Variants in PPP1R9A observed in about 807,000 individuals in gnomAD.
The protein encoded by PPP1R9A is neurabin-1.
In PPP1R9A, 59 loss-of-function variants were observed where a neutral mutation model predicts 141.9. The ratio of observed to expected loss-of-function variants is 0.42; its 90% CI spans 0.34 to 0.52. The LOEUF is 0.52. Among genes scored for constraint, PPP1R9A ranks in the 20% least tolerant of loss-of-function variants. The probability of loss-of-function intolerance (pLI) is 0.10; values close to 1 mark genes in which losing one functional copy is unlikely to be tolerated. For synonymous variants in PPP1R9A, 500 were observed against 569.7 expected (o/e 0.88, Z 1.74); for missense variants, 1,444 against 1,611.9 (o/e 0.90, Z 1.78).
chr7:95,031,309 T>A (rs1310834990), intron 2 of PPP1R9A, among the ~76,000 whole-genome samples: 1 of 152,200 alleles, frequency 6.6e-6, no homozygotes, highest in Non-Finnish European at 1.5e-5. Context: ...TAGGAAGGTA[T>A]ACAGAAAGCG....
chr7:95,150,436 G>GGGATTATA (rs200587897), intron 4 of PPP1R9A, among the ~76,000 whole-genome samples: 1,936 of 152,198 alleles, frequency 0.013, 53 homozygotes, highest in African/African-American at 0.043. Context: ...CTGAGTAGCT[G>GGGATTATA]GGATTATAGG....
chr7:94,916,089 G>A (rs568963426), intron 2 of PPP1R9A, among the ~76,000 whole-genome samples: 80 of 151,894 alleles, frequency 5.3e-4, no homozygotes, highest in African/African-American at 1.8e-3. Context: ...TATTTATTAC[G>A]CATCTGCTGA....
chr7:95,096,892 C>A (rs921219701), intron 2 of PPP1R9A, among the ~76,000 whole-genome samples: 1 of 152,120 alleles, frequency 6.6e-6, no homozygotes, highest in African/African-American at 2.4e-5. Context: ...TCTTTGCTTT[C>A]GGGGTCACTT....
At chr7:94,924,090 AAG>A (rs1369105027) in intron 2 of PPP1R9A, among the ~76,000 whole-genome samples, 1 of 152,224 alleles carries the variant, frequency 6.6e-6, no homozygotes, top group Non-Finnish European at 1.5e-5. Context: ...TTTAAAGAAA[AAG>A]AGGCAACATT....
At chr7:94,991,776 C>T (rs150455203) in intron 2 of PPP1R9A, among the ~76,000 whole-genome samples, 13 of 152,188 alleles carry the variant, frequency 8.5e-5, no homozygotes, top group South Asian at 2.1e-4. Flanking sequence ...TTCAGCCTTC[C>T]GAGTAGCTGG....
At chr7:95,271,048 G>A (rs1313191793) in intron 14 of PPP1R9A, among the ~76,000 whole-genome samples, 1 of 152,094 alleles carries the variant, frequency 6.6e-6, no homozygotes, top group Admixed American at 6.6e-5. Context: ...GAAAAAAAGG[G>A]TAGGTAAGGA....
chr7:95,252,467 A>ATTTTTT (rs71127405), intron 12 of PPP1R9A, among the ~76,000 whole-genome samples: 2 of 107,028 alleles, frequency 1.9e-5, no homozygotes, highest in African/African-American at 3.6e-5. Context: ...TAAGGTTTAG[A>ATTTTTT]TTTTTTTTTT....
At chr7:95,165,072 T>C (rs1423951620) in intron 5 of PPP1R9A, among the ~76,000 whole-genome samples, 2 of 152,214 alleles carry the variant, frequency 1.3e-5, no homozygotes, top group East Asian at 1.9e-4. Flanking sequence ...CTTCAATGAA[T>C]GAGCTTTTCT....
chr7:95,288,510 A>C (rs766641298), intron 18 of PPP1R9A, 26 bp from the exon 19 acceptor site: 1 of 1,608,634 alleles, frequency 6.2e-7, no homozygotes, highest in Non-Finnish European at 8.5e-7. Context: ...GTCCTTTAAC[A>C]ACACTACGTA....
At chr7:95,221,183 GTT>G (rs1350855568) in intron 7 of PPP1R9A, among the ~76,000 whole-genome samples, 3 of 152,080 alleles carry the variant, frequency 2.0e-5, no homozygotes, top group African/African-American at 7.2e-5. Context: ...GCGGTCACTC[GTT>G]TTGAGCACCT....
chr7:95,004,599 C>T (rs1042544548), intron 2 of PPP1R9A, among the ~76,000 whole-genome samples: 12 of 152,110 alleles, frequency 7.9e-5, no homozygotes, highest in South Asian at 2.1e-4. Flanking sequence ...CTGGATACTA[C>T]GTGCCTAAAT....
chr7:95,283,808 G>A (rs762418343), intron 16 of PPP1R9A, among the ~76,000 whole-genome samples: 1 of 152,160 alleles, frequency 6.6e-6, no homozygotes, highest in South Asian at 2.1e-4. Context: ...ATAGCAATAC[G>A]AAAATGTTGA....
chr7:95,203,070 A>G lies in PPP1R9A; in HGVS notation c.1891-595A>G, dbSNP rs147518085. 1.6e-3 allele frequency among the ~76,000 whole-genome samples: 240 copies of G among 152,230 alleles called. 1 individual carries two copies. Among genetic ancestry groups the G allele is most frequent in the Non-Finnish European group, 1.7e-3 (117 of 67,954 alleles). On this transcript the variant is annotated intron_variant, in intron 6 of 19. Coordinates refer to ENST00000433360, the MANE Select transcript of PPP1R9A (RefSeq NM_001166160.2). ...CACTCCAGAAACTGAAGCCCCTTCT[A>G]TACTGAAGCCCCTAAAATATAATTT...
chr7:95,000,050 G>A (rs1166249937), intron 2 of PPP1R9A, among the ~76,000 whole-genome samples: 3 of 151,904 alleles, frequency 2.0e-5, no homozygotes, highest in East Asian at 1.9e-4. Context: ...TGATCTGCTC[G>A]CCTTGGCCTC....
Position 95,105,850 on chromosome 7 carries a change from G to A in PPP1R9A, c.1396-5409G>A, listed in dbSNP as rs893956048. On this transcript the variant is annotated intron_variant, in intron 2 of 19. Coordinates refer to ENST00000433360, the MANE Select transcript of PPP1R9A (RefSeq NM_001166160.2). ...TGTGTAATGACAGTGCATTGCTCTA[G>A]ACATAGGTGGGGATTTTGGCAGCCT... Among the ~76,000 whole-genome samples the A allele has an allele frequency of 1.2e-4, 19 of 152,322 alleles. No individual in the cohort carries two copies. In the South Asian group the frequency reaches 3.9e-3, roughly 32 times the overall value.
chr7:95,169,787 C>T (rs1585056001), intron 5 of PPP1R9A, among the ~76,000 whole-genome samples: 1 of 151,790 alleles, frequency 6.6e-6, no homozygotes, highest in Non-Finnish European at 1.5e-5. Flanking sequence ...CTTTAATTGT[C>T]CCAGAGGAAT....
At chr7:95,140,196 A>T (rs1403169972) in intron 4 of PPP1R9A, among the ~76,000 whole-genome samples, 1 of 152,204 alleles carries the variant, frequency 6.6e-6, no homozygotes, top group African/African-American at 2.4e-5. Flanking sequence ...AGAGAAGGCC[A>T]TGCTTTTCTA....
rs114581477 is a variant in PPP1R9A, at chr7:95,002,108, C to A, written c.1395+90600C>A. Among the ~76,000 whole-genome samples, 212 of 152,268 alleles carry A rather than the reference C, an allele frequency of 1.4e-3. 1 individual carries two copies. The highest frequency in any genetic ancestry group is 4.5e-3 in the African/African-American group (187 of 41,552). On this transcript the variant is annotated intron_variant, in intron 2 of 19. Coordinates refer to ENST00000433360, the MANE Select transcript of PPP1R9A (RefSeq NM_001166160.2). The stretch of plus-strand genomic sequence containing the variant: ...GGGAAATAGCTAGCCCTTCAAAATA[C>A]CTTTGTGGGAGTGAAAATTACCTTT...
chr7:95,079,981 A>T (rs1334353847), intron 2 of PPP1R9A, among the ~76,000 whole-genome samples: 1 of 152,212 alleles, frequency 6.6e-6, no homozygotes, highest in Non-Finnish European at 1.5e-5. Context: ...AGCCAATATC[A>T]TACTGAATGG....
Sources: allele counts gnomAD v4.1 joint callset (sites outside exome capture counted in the v4.1 genomes callset), GRCh38; gene constraint gnomAD v4.1.1; transcripts MANE v1.5; gene names NCBI Gene and HGNC (gene_info 2026-07-23, HGNC 2026-07-21).